Variants in SCHIP1 observed in about 807,000 individuals in gnomAD.
SCHIP1 encodes schwannomin interacting protein 1.
A neutral mutation model predicts 29.7 loss-of-function variants in SCHIP1; 8 were observed. The ratio of observed to expected loss-of-function variants is 0.27; its 90% CI spans 0.16 to 0.49. The LOEUF (loss-of-function observed/expected upper bound fraction) is 0.49. Among genes scored for constraint, SCHIP1 ranks in the 20% least tolerant of loss-of-function variants. SCHIP1 has a pLI of 0.99. For missense variants in SCHIP1, 193 were observed against 294.6 expected (o/e 0.66, Z 2.52); for synonymous variants, 76 against 94.9 (o/e 0.80, Z 1.16).
At chr3:159,344,510 T>A in the SCHIP1 span, among the ~76,000 whole-genome samples, 8 of 152,172 alleles carry the variant, frequency 5.3e-5, no homozygotes, top group Non-Finnish European at 1.2e-4. Flanking sequence ...TGGCACTTCA[T>A]GTCTGTTGAT....
chr3:159,744,537 T>G, the SCHIP1 span, among the ~76,000 whole-genome samples: 1 of 152,210 alleles, frequency 6.6e-6, no homozygotes, highest in South Asian at 2.1e-4. Context: ...CCCCTGCCTA[T>G]CTTGCCTGCC....
At chr3:159,338,650 C>T in the SCHIP1 span, among the ~76,000 whole-genome samples, 1 of 152,046 alleles carries the variant, frequency 6.6e-6, no homozygotes, top group African/African-American at 2.4e-5. Flanking sequence ...AGTTTAGAGA[C>T]TGTTATAGTA....
chr3:159,840,179 A>C (rs1177756412), exon 1 of SCHIP1: 1 of 1,535,750 alleles, frequency 6.5e-7, no homozygotes, highest in Non-Finnish European at 8.7e-7. Flanking sequence ...CCTAGGATGC[A>C]CTGAGATGGT....
chr3:159,895,769 C>T (rs913208126), intron 6 of SCHIP1, among the ~76,000 whole-genome samples: 4 of 152,216 alleles, frequency 2.6e-5, no homozygotes, highest in Non-Finnish European at 4.4e-5. Flanking sequence ...GATCTTGGCT[C>T]ACTGGAACCT....
At chr3:159,682,308 T>C in the SCHIP1 span, among the ~76,000 whole-genome samples, 5 of 152,160 alleles carry the variant, frequency 3.3e-5, no homozygotes, top group Non-Finnish European at 7.3e-5. Flanking sequence ...GAGACAACTG[T>C]TGAGGTTCAG....
chr3:159,382,856 A>G, the SCHIP1 span, among the ~76,000 whole-genome samples: 23 of 152,294 alleles, frequency 1.5e-4, no homozygotes, highest in Non-Finnish European at 4.4e-5. Context: ...TATGATGGCC[A>G]GTGATGGTGA....
the SCHIP1 span, among the ~76,000 whole-genome samples, chr3:159,310,650 G>A: frequency 6.6e-6 from 1 of 152,136 alleles, no homozygotes; most frequent in Non-Finnish European, 1.5e-5. Context: ...ATAACACAAT[G>A]AATGGGGTAC....
chr3:159,696,879 G>A, the SCHIP1 span, among the ~76,000 whole-genome samples: 1 of 152,218 alleles, frequency 6.6e-6, no homozygotes, highest in Non-Finnish European at 1.5e-5. Flanking sequence ...ACTGAAATAA[G>A]TTCATTATTA....
At chr3:159,320,234 CT>C in the SCHIP1 span, among the ~76,000 whole-genome samples, 1 of 152,114 alleles carries the variant, frequency 6.6e-6, no homozygotes, top group African/African-American at 2.4e-5. Flanking sequence ...ATAATTATAA[CT>C]GATAGAGACT....
the SCHIP1 span, among the ~76,000 whole-genome samples, chr3:159,490,801 T>C: frequency 6.6e-6 from 1 of 152,192 alleles, no homozygotes; most frequent in Non-Finnish European, 1.5e-5. Flanking sequence ...AGATTTTCAC[T>C]TGTAAGATAA....
the SCHIP1 span, among the ~76,000 whole-genome samples, chr3:159,424,915 G>C: frequency 4.6e-5 from 7 of 152,086 alleles, no homozygotes; most frequent in East Asian, 1.9e-4. Flanking sequence ...GGATTTTCAA[G>C]CCAGAATTTC....
chr3:159,658,614 C>T, the SCHIP1 span, among the ~76,000 whole-genome samples: 1 of 152,132 alleles, frequency 6.6e-6, no homozygotes, highest in South Asian at 2.1e-4. Flanking sequence ...TCTGTTTATA[C>T]TCACTCCATT....
chr3:159,730,461 A>G, the SCHIP1 span, among the ~76,000 whole-genome samples: 2 of 152,226 alleles, frequency 1.3e-5, no homozygotes, highest in South Asian at 4.1e-4. Context: ...ATGAGCTATT[A>G]TTATTACTGT....
the SCHIP1 span, among the ~76,000 whole-genome samples, chr3:159,601,971 G>A: frequency 2.0e-5 from 3 of 152,172 alleles, no homozygotes; most frequent in Admixed American, 6.5e-5. Flanking sequence ...TGCCATACCC[G>A]TTTAGGTCTC....
chr3:159,541,133 T>C, the SCHIP1 span, among the ~76,000 whole-genome samples: 6 of 152,076 alleles, frequency 3.9e-5, no homozygotes, highest in Non-Finnish European at 7.4e-5. Flanking sequence ...AGGTTAAGCC[T>C]AAGGATTGAA....
At chr3:159,431,618 G>A in the SCHIP1 span, among the ~76,000 whole-genome samples, 1 of 152,010 alleles carries the variant, frequency 6.6e-6, no homozygotes, top group Non-Finnish European at 1.5e-5. Context: ...TAGGTATCCT[G>A]GCTAAGATGG....
At chr3:159,804,553 G>A in the SCHIP1 span, among the ~76,000 whole-genome samples, 33 of 152,334 alleles carry the variant, frequency 2.2e-4, 1 homozygote, top group African/African-American at 7.7e-4. Flanking sequence ...TTTATTTGCT[G>A]CTGTGATGTC....
the SCHIP1 span, among the ~76,000 whole-genome samples, chr3:159,359,086 C>A: frequency 6.6e-6 from 1 of 151,656 alleles, no homozygotes; most frequent in African/African-American, 2.4e-5. Context: ...CACCACCATG[C>A]CCAGCTAATT....
the SCHIP1 span, among the ~76,000 whole-genome samples, chr3:159,708,140 C>T: frequency 1.3e-5 from 2 of 152,108 alleles, no homozygotes; most frequent in African/African-American, 4.8e-5. Context: ...AGTCAGGAAA[C>T]ACAAAAAGGC....
Sources: allele counts gnomAD v4.1 joint callset (sites outside exome capture counted in the v4.1 genomes callset), GRCh38; gene constraint gnomAD v4.1.1; transcripts MANE v1.5; gene names NCBI Gene and HGNC (gene_info 2026-07-23, HGNC 2026-07-21).